GAPVD1: variants seen among roughly 807,000 people sequenced by gnomAD.
GAPVD1 encodes GTPase activating protein and VPS9 domains 1.
Under a neutral mutation model 155.5 loss-of-function variants are expected in GAPVD1, and 35 were observed. That is an observed-to-expected ratio of 0.23 (90% CI 0.17 to 0.30). GAPVD1 has a LOEUF of 0.30. Among genes scored for constraint, GAPVD1 ranks in the 10% least tolerant of loss-of-function variants. The pLI is 1.00. For missense variants in GAPVD1, 1,429 were observed against 1,775.7 expected, an observed-to-expected ratio of 0.80 and a Z score of 3.51; for synonymous variants, 636 against 619.7, an observed-to-expected ratio of 1.03 and a Z score of -0.39.
chr9:125,334,250 C>A (rs1246309563), intron 15 of GAPVD1, among the ~76,000 whole-genome samples: 1 of 144,328 alleles, frequency 6.9e-6, no homozygotes, highest in Non-Finnish European at 1.5e-5. Flanking sequence ...GGGCACCACA[C>A]TGTATTCTTC....
intron 1 of GAPVD1, chr9:125,263,430 A>G (rs1051517365): frequency 5.9e-6 from 3 of 505,008 alleles, no homozygotes; most frequent in Non-Finnish European, 7.3e-6. Flanking sequence ...GCCTGGCAAC[A>G]GAGCGAGACT....
intron 9 of GAPVD1, among the ~76,000 whole-genome samples, chr9:125,313,960 C>T (rs949182799): frequency 6.6e-6 from 1 of 152,222 alleles, no homozygotes; most frequent in African/African-American, 2.4e-5. Context: ...CACACCATCA[C>T]ATGCTAAGCT....
intron 15 of GAPVD1, among the ~76,000 whole-genome samples, chr9:125,335,416 G>A (rs940152663): frequency 4.6e-5 from 7 of 151,274 alleles, no homozygotes; most frequent in Non-Finnish European, 8.8e-5. Flanking sequence ...GGTGGCTCAC[G>A]CCCATAATCC....
intron 20 of GAPVD1, 30 bp from the exon 21 acceptor site, chr9:125,349,360 A>G (rs764524999): frequency 6.9e-6 from 11 of 1,598,336 alleles, no homozygotes; most frequent in Non-Finnish European, 9.4e-6. Flanking sequence ...GAACCTGGGT[A>G]TCCGTTTCTT....
At chr9:125,345,879 G>GTA (rs1848452053) in intron 19 of GAPVD1, 2 of 152,014 alleles carry the variant, frequency 1.3e-5, no homozygotes, top group Admixed American at 6.6e-5. Flanking sequence ...GTGTGTGTGT[G>GTA]TGTGTATATA....
chr9:125,275,355 C>T (rs1314607484), intron 2 of GAPVD1, among the ~76,000 whole-genome samples: 3 of 152,186 alleles, frequency 2.0e-5, no homozygotes, highest in East Asian at 1.9e-4. Context: ...GGATTACAGG[C>T]GTAAGCCACC....
chr9:125,281,593 A>G (rs1396384016), intron 2 of GAPVD1, among the ~76,000 whole-genome samples: 1 of 152,208 alleles, frequency 6.6e-6, no homozygotes, highest in Non-Finnish European at 1.5e-5. Flanking sequence ...TTGTTACAAT[A>G]TTGTGAACTA....
In GAPVD1 at chr9:125,362,829, T is replaced by C. The variant is rs1048859551; in HGVS notation, c.*83T>C. Reference sequence around the variant, plus strand: ...AAGGTGCATCAGCTGCTTTGAAGGCTGAAGATTGTTTTGTATGATACTGCA... The same window carrying C: ...AAGGTGCATCAGCTGCTTTGAAGGCCGAAGATTGTTTTGTATGATACTGCA... On this transcript the variant is annotated 3_prime_UTR_variant, in exon 28 of 28. Coordinates refer to ENST00000297933, the MANE Select transcript of GAPVD1 (RefSeq NM_001282680.3). 7.7e-7 allele frequency: 1 copy of C among 1,294,054 alleles called. No homozygotes were observed. The highest frequency in any genetic ancestry group is 1.1e-6 in the Non-Finnish European group (1 of 923,186). The allele number at this position is 1,294,054 out of a possible 1,614,324, so 80.2% of individuals were successfully genotyped here.
chr9:125,307,526 C>T lies in GAPVD1; in HGVS notation c.1230C>T (p.Thr410=). The T allele has an allele frequency of 6.2e-7, 1 of 1,611,384 alleles. No individual in the cohort carries two copies. Among genetic ancestry groups the T allele is most frequent in the Non-Finnish European group, 8.5e-7 (1 of 1,178,440 alleles). ...TGAGCAGAACTGTGGTTTATATAAC[C>T]TACAGTCAGCTTATTACTCTGGTAA... ...EGLSRTVVYI[T]YSQLITLVNF... The change falls in exon 7 of 28, where the codon ACC becomes ACT. Residue 410 remains threonine, a synonymous_variant. Transcript: ENST00000297933.
intron 19 of GAPVD1, among the ~76,000 whole-genome samples, chr9:125,342,949 T>C (rs1387396371): frequency 2.0e-5 from 3 of 152,214 alleles, no homozygotes; most frequent in African/African-American, 4.8e-5. Context: ...TTTGTATTTC[T>C]GCAGCTGCTT....
intron 13 of GAPVD1, among the ~76,000 whole-genome samples, chr9:125,330,957 G>A (rs754222094): frequency 4.1e-4 from 61 of 150,270 alleles, no homozygotes; most frequent in Non-Finnish European, 6.9e-4. Flanking sequence ...TTTGAAATAC[G>A]TTGAAATTGA....
At chr9:125,358,414 T>G (rs1488332810) in intron 25 of GAPVD1, among the ~76,000 whole-genome samples, 1 of 152,164 alleles carries the variant, frequency 6.6e-6, no homozygotes, top group African/African-American at 2.4e-5. Flanking sequence ...CCTTCTGTAT[T>G]TTCTTGAGCA....
intron 8 of GAPVD1, chr9:125,308,458 T>C (rs1588843980): frequency 6.6e-6 from 1 of 152,268 alleles, no homozygotes; most frequent in Non-Finnish European, 1.5e-5. Flanking sequence ...AATAGTATTT[T>C]CTATTATTTT....
At chr9:125,321,663 C>A in intron 10 of GAPVD1, 101 bp downstream of exon 10, 1 of 1,037,098 alleles carries the variant, frequency 9.6e-7, no homozygotes, top group Non-Finnish European at 1.4e-6. Context: ...ATCTGTGCTT[C>A]TCACTGAGGA....
At chr9:125,325,539 A>AAAAAAC (rs71374252) in intron 11 of GAPVD1, among the ~76,000 whole-genome samples, 1 of 148,998 alleles carries the variant, frequency 6.7e-6, no homozygotes, top group African/African-American at 2.5e-5. Flanking sequence ...AAAAAAAAAA[A>AAAAAAC]GATGATGCCC....
chr9:125,360,465 G>A, intron 26 of GAPVD1, 63 bp from the exon 27 acceptor site: 1 of 1,316,100 alleles, frequency 7.6e-7, no homozygotes, highest in Non-Finnish European at 1.1e-6. Context: ...GGAGGTTGCA[G>A]TAGTCACTGC....
chr9:125,337,649 T>C, intron 17 of GAPVD1, 58 bp downstream of exon 17: 7 of 1,437,966 alleles, frequency 4.9e-6, no homozygotes, highest in East Asian at 2.3e-5. Flanking sequence ...TCTCTTGATA[T>C]CTGAAATTAA....
At chr9:125,351,740 CT>C (rs1194124366) in intron 23 of GAPVD1, among the ~76,000 whole-genome samples, 275 of 145,682 alleles carry the variant, frequency 1.9e-3, no homozygotes, top group African/African-American at 3.8e-3. Flanking sequence ...CATGGTCTTT[CT>C]TTTTTTTTTT....
intron 18 of GAPVD1, chr9:125,341,468 T>C (rs1847842697): frequency 6.5e-6 from 3 of 458,314 alleles, no homozygotes; most frequent in African/African-American, 4.1e-5. Context: ...CAGGAAGTGA[T>C]AGTGGTTTCA....
Sources: allele counts gnomAD v4.1 joint callset (sites outside exome capture counted in the v4.1 genomes callset), GRCh38; gene constraint gnomAD v4.1.1; transcripts MANE v1.5; gene names NCBI Gene and HGNC (gene_info 2026-07-23, HGNC 2026-07-21).